PCLO: variants seen among roughly 807,000 people sequenced by gnomAD.
The protein encoded by PCLO is piccolo presynaptic cytomatrix protein.
PCLO carries 82 observed loss-of-function variants against 427.5 expected under a neutral mutation model. The ratio of observed to expected loss-of-function variants is 0.19; its 90% CI spans 0.16 to 0.23. The LOEUF (loss-of-function observed/expected upper bound fraction) is 0.23. Among genes scored for constraint, PCLO ranks in the 10% least tolerant of loss-of-function variants. The probability of loss-of-function intolerance (pLI) is 1.00; values close to 1 mark genes in which losing one functional copy is unlikely to be tolerated. For missense variants in PCLO, 6,239 were observed against 6,115.9 expected (o/e 1.02, Z -0.67); for synonymous variants, 2,357 against 2,155.4 (o/e 1.09, Z -2.59).
intron 22 of PCLO, among the ~76,000 whole-genome samples, chr7:82,766,450 C>G (rs1280570876): frequency 1.3e-5 from 2 of 152,072 alleles, no homozygotes; most frequent in Non-Finnish European, 2.9e-5. Context: ...ACCTCTCACT[C>G]TTTCCTTTAA....
intron 10 of PCLO, among the ~76,000 whole-genome samples, chr7:82,875,135 T>A (rs1793339170): frequency 6.6e-6 from 1 of 152,170 alleles, no homozygotes; most frequent in Non-Finnish European, 1.5e-5. Context: ...TACTGGAAAA[T>A]AAATGTTAAG....
At chr7:82,870,997 T>TGG in intron 10 of PCLO, among the ~76,000 whole-genome samples, 1 of 152,104 alleles carries the variant, frequency 6.6e-6, no homozygotes, top group Admixed American at 6.6e-5. Flanking sequence ...GAAATGCTCA[T>TGG]ACACTGTTTG....
rs114341853 is a variant in PCLO, at chr7:83,096,282, G to A, written c.3300+37968C>T. 8.5e-3 allele frequency among the ~76,000 whole-genome samples: 1,298 copies of A among 151,932 alleles called. 24 individuals are homozygous for A. Among genetic ancestry groups the A allele is most frequent in the African/African-American group, 0.029 (1,182 of 41,446 alleles). On this transcript the variant is annotated intron_variant, in intron 3 of 24. Transcript: ENST00000333891. ...AGCCACAAGACCTTGCAAGAGACTT[G>A]ACCTATGATTTAAACTCCAGGTTCA...
chr7:83,009,261 A>T (rs761330147), intron 3 of PCLO, among the ~76,000 whole-genome samples: 15 of 151,856 alleles, frequency 9.9e-5, no homozygotes, highest in South Asian at 2.1e-4. Context: ...CACTAGTACC[A>T]AATGAACTCA....
intron 3 of PCLO, among the ~76,000 whole-genome samples, chr7:83,115,906 A>G (rs1023870056): frequency 1.3e-5 from 2 of 151,950 alleles, no homozygotes; most frequent in Admixed American, 6.6e-5. Flanking sequence ...CTCTTCCCAG[A>G]GAAATTTTTG....
intron 6 of PCLO, among the ~76,000 whole-genome samples, chr7:82,935,021 T>C (rs891588365): frequency 6.6e-6 from 1 of 150,884 alleles, no homozygotes; most frequent in African/African-American, 2.4e-5. Context: ...TTATGAGAAG[T>C]CAATGAAAAT....
chr7:82,775,849 A>G (rs1160506377), intron 22 of PCLO, among the ~76,000 whole-genome samples: 1 of 152,190 alleles, frequency 6.6e-6, no homozygotes, highest in Non-Finnish European at 1.5e-5. Context: ...ATTAAAGTCT[A>G]TAATTCATTT....
intron 22 of PCLO, among the ~76,000 whole-genome samples, chr7:82,780,670 C>CA (rs1790854193): frequency 6.6e-6 from 1 of 152,190 alleles, no homozygotes; most frequent in Non-Finnish European, 1.5e-5. Flanking sequence ...GCCTCAGCCT[C>CA]GCGAGTGGCT....
chr7:83,108,015 A>G (rs2116512304), intron 3 of PCLO, among the ~76,000 whole-genome samples: 1 of 150,018 alleles, frequency 6.7e-6, no homozygotes, highest in East Asian at 1.9e-4. Context: ...AAAAAAAAGG[A>G]AAGGAAGAAA....
At chr7:82,984,173 G>A (rs1359318897) in intron 3 of PCLO, among the ~76,000 whole-genome samples, 1 of 151,806 alleles carries the variant, frequency 6.6e-6, no homozygotes, top group Non-Finnish European at 1.5e-5. Context: ...AACTAATCAA[G>A]TCATTTCAAA....
intron 7 of PCLO, chr7:82,914,450 GCAAA>G (rs1794395008): frequency 6.8e-6 from 4 of 591,930 alleles, no homozygotes; most frequent in South Asian, 4.3e-5. Flanking sequence ...AACAAATCAA[GCAAA>G]CAATCAAGAA....
At chr7:83,101,705 A>C (rs911418448) in intron 3 of PCLO, among the ~76,000 whole-genome samples, 1 of 152,100 alleles carries the variant, frequency 6.6e-6, no homozygotes, top group African/African-American at 2.4e-5. Flanking sequence ...CAGTGGCTGA[A>C]ATCTGTTGCT....
At chr7:82,773,287 G>A (rs895699066) in intron 22 of PCLO, among the ~76,000 whole-genome samples, 1 of 152,166 alleles carries the variant, frequency 6.6e-6, no homozygotes, top group Non-Finnish European at 1.5e-5. Flanking sequence ...AATAATCTGT[G>A]TCTGTAAGTG....
chr7:83,129,032 T>C (rs1368347912), intron 3 of PCLO, among the ~76,000 whole-genome samples: 1 of 152,210 alleles, frequency 6.6e-6, no homozygotes, highest in Non-Finnish European at 1.5e-5. Context: ...AATTACCAAC[T>C]GATGCAACTT....
intron 22 of PCLO, among the ~76,000 whole-genome samples, chr7:82,762,703 CA>C (rs1319292343): frequency 2.0e-5 from 3 of 151,178 alleles, no homozygotes; most frequent in South Asian, 2.1e-4. Context: ...TTTTCCAAAC[CA>C]AAAAAAATAG....
intron 3 of PCLO, among the ~76,000 whole-genome samples, chr7:83,073,596 C>A (rs1035174255): frequency 6.6e-6 from 1 of 151,764 alleles, no homozygotes; most frequent in African/African-American, 2.4e-5. Flanking sequence ...AAGCTGCTGC[C>A]CTCTATTTAT....
intron 10 of PCLO, among the ~76,000 whole-genome samples, chr7:82,848,296 A>G (rs1792555619): frequency 7.5e-6 from 1 of 133,620 alleles, no homozygotes; most frequent in Non-Finnish European, 1.6e-5. Context: ...TTGTTGAACC[A>G]TTAGTTAGTT....
At position 82,966,063 on chromosome 7, in the gene PCLO, G is replaced by A; in HGVS notation, c.3725C>T (p.Thr1242Ile). The A allele has an allele frequency of 6.2e-7, 1 of 1,613,224 alleles. No individual in the cohort carries two copies. Among genetic ancestry groups the A allele is most frequent in the Non-Finnish European group, 8.5e-7 (1 of 1,179,750 alleles). Residue 1242 changes from threonine to isoleucine, a missense_variant, in exon 4 of 25, where the codon ACC (threonine) becomes ATC (isoleucine). By Grantham distance (89) the Thr-to-Ile change is moderately conservative. Coordinates refer to ENST00000333891, the MANE Select transcript of PCLO (RefSeq NM_033026.6). ...TGGGAGTAGCTTTTTGTCTTCAGGG[G>A]TTGGCTTTTTTTCTTCTAGGAGTGG... is the stretch of plus-strand genomic sequence containing the variant. ...KKPLLEEKKPTPEDKKLLPEA... is the reference protein window; with the variant it reads ...KKPLLEEKKPIPEDKKLLPEA...
intron 3 of PCLO, among the ~76,000 whole-genome samples, chr7:82,990,647 A>G (rs1417035332): frequency 6.6e-6 from 1 of 152,160 alleles, no homozygotes; most frequent in African/African-American, 2.4e-5. Context: ...TTTGTCCTCT[A>G]CCATGTATTT....
Sources: gnomAD v4.1 joint callset for allele counts (sites outside exome capture counted in the v4.1 genomes callset) on GRCh38, gnomAD v4.1.1 for gene constraint, MANE v1.5 for transcripts, NCBI Gene and HGNC (gene_info 2026-07-23, HGNC 2026-07-21) for gene names.